Variants in ARHGAP24 observed in about 807,000 individuals in gnomAD.
ARHGAP24 encodes Rho GTPase activating protein 24, also known as rho GTPase-activating protein 24.
Under a neutral mutation model 76.4 loss-of-function variants are expected in ARHGAP24, and 50 were observed. The observed-to-expected ratio is 0.65, with a 90% CI of 0.52 to 0.83. The LOEUF (loss-of-function observed/expected upper bound fraction) is 0.83, where lower values mean the gene tolerates loss of function less well. ARHGAP24 is among the 40% of genes least tolerant of loss of function. The pLI is 0.00. For missense variants in ARHGAP24, 930 were observed against 914.2 expected (o/e 1.02, Z -0.22); for synonymous variants, 345 against 323.3 (o/e 1.07, Z -0.72).
rs190186201 is a variant in ARHGAP24, at chr4:85,845,077, G to A, written c.269-78571G>A. ...GATGTGTCACTTCAACTTTAACCTTGAAGCAATAGTACACATTACCATAGA... is the reference window on the plus strand; with the variant it reads ...GATGTGTCACTTCAACTTTAACCTTAAAGCAATAGTACACATTACCATAGA... On this transcript the variant is annotated intron_variant, in intron 3 of 9. Transcript: ENST00000395184. Among the ~76,000 whole-genome samples, 13 of 152,216 alleles carry A rather than the reference G, an allele frequency of 8.5e-5. No individual in the cohort carries two copies. In the East Asian group the frequency reaches 2.5e-3, roughly 29 times the overall value.
intron 3 of ARHGAP24, chr4:85,722,400 A>AC (rs1724986183): frequency 2.0e-5 from 4 of 203,396 alleles, no homozygotes; most frequent in Middle Eastern, 4.7e-4. Flanking sequence ...AAAAAAACAA[A>AC]AAACAAACAA....
intron 2 of ARHGAP24, among the ~76,000 whole-genome samples, chr4:85,645,277 A>G (rs1447724627): frequency 1.3e-5 from 2 of 152,168 alleles, no homozygotes; most frequent in African/African-American, 2.4e-5. Context: ...TAATTCAAAC[A>G]CTATTTCATA....
At chr4:85,957,156 C>G (rs1314194403) in intron 5 of ARHGAP24, among the ~76,000 whole-genome samples, 1 of 95,610 alleles carries the variant, frequency 1.0e-5, no homozygotes, top group East Asian at 3.7e-4. Context: ...GATTCTTAGT[C>G]AGCCTAGGAA....
At position 85,811,702 on chromosome 4, in the gene ARHGAP24, G is replaced by A. The variant is rs183406341; in HGVS notation, c.268+89730G>A. On this transcript the variant is annotated intron_variant, in intron 3 of 9. Coordinates refer to ENST00000395184, the MANE Select transcript of ARHGAP24 (RefSeq NM_001025616.3). The stretch of plus-strand genomic sequence containing the variant: ...ATTGGAGAAAGTCTTCACATATTTT[G>A]TTATTATGTGGATAAGTTCACAATC... 2.8e-4 allele frequency among the ~76,000 whole-genome samples: 42 copies of A among 152,288 alleles called. No individual in the cohort carries two copies. The South Asian group carries it at 5.2e-3, about 19-fold the overall frequency.
At chr4:85,723,716 T>G (rs1358438552) in intron 3 of ARHGAP24, 1 of 152,214 alleles carries the variant, frequency 6.6e-6, no homozygotes, top group Non-Finnish European at 1.5e-5. Flanking sequence ...TGAAGAGAAG[T>G]GTTCCAAATG....
intron 4 of ARHGAP24, among the ~76,000 whole-genome samples, chr4:85,929,527 TGA>T: frequency 6.6e-6 from 1 of 152,138 alleles, no homozygotes; most frequent in Admixed American, 6.5e-5. Context: ...TGAGTAGGAC[TGA>T]GAGACTTAGT....
chr4:85,866,979 A>C (rs1732235399), intron 3 of ARHGAP24, among the ~76,000 whole-genome samples: 1 of 152,092 alleles, frequency 6.6e-6, no homozygotes. Context: ...ATCACAGATT[A>C]ATTTGCTAGG....
intron 2 of ARHGAP24, among the ~76,000 whole-genome samples, chr4:85,677,883 A>G (rs561956787): frequency 3.3e-5 from 5 of 152,192 alleles, no homozygotes; most frequent in South Asian, 2.1e-4. Context: ...CCCTATCTCT[A>G]TAGAGAATTA....
Position 85,867,910 on chromosome 4 carries a change from C to CATACATAT in ARHGAP24, c.269-55735_269-55734insCATATATA, listed in dbSNP as rs371412055. 3.6e-3 allele frequency among the ~76,000 whole-genome samples: 519 copies of CATACATAT among 144,264 alleles called. 1 individual carries two copies. Among genetic ancestry groups the CATACATAT allele is most frequent in the African/African-American group, 0.013 (500 of 39,330 alleles). The allele number at this position is 144,264 out of a possible 152,430, so 94.6% of individuals were successfully genotyped here. A position where few individuals can be genotyped will look rare whatever the true frequency, so the allele number is the denominator to read the frequency against. ...ATGTGTGTGTGTACATATATATATA[C>CATACATAT]ATATATGTACACACACACAAACCAA... is the stretch of plus-strand genomic sequence containing the variant. On this transcript the variant is annotated intron_variant, in intron 3 of 9. Coordinates refer to ENST00000395184, the MANE Select transcript of ARHGAP24 (RefSeq NM_001025616.3).
In ARHGAP24 at chr4:85,655,766, C is replaced by CATATATATAT. The variant is rs370571889; in HGVS notation, c.181-66101_181-66092dup. Among the ~76,000 whole-genome samples, 45 of 69,028 alleles carry CATATATATAT rather than the reference C, an allele frequency of 6.5e-4. 1 individual carries two copies. The highest frequency in any genetic ancestry group is 4.3e-3 in the African/African-American group (43 of 9,962). The allele number at this position is 69,028 out of a possible 152,430, so 45.3% of individuals were successfully genotyped here. On this transcript the variant is annotated intron_variant, in intron 2 of 9. Transcript: ENST00000395184. ...CAGCCTGGGTGACAGAGTGAGACTC[C>CATATATATAT]ATATATATATATATATATATATATA...
At chr4:85,714,590 T>C (rs1195407003) in intron 2 of ARHGAP24, among the ~76,000 whole-genome samples, 1 of 152,184 alleles carries the variant, frequency 6.6e-6, no homozygotes, top group East Asian at 1.9e-4. Context: ...CTTGCTTTTG[T>C]GTTTTTATTA....
At chr4:85,898,033 G>GTGTA (rs1249396608) in intron 3 of ARHGAP24, among the ~76,000 whole-genome samples, 3 of 134,676 alleles carry the variant, frequency 2.2e-5, no homozygotes, top group East Asian at 4.5e-4. Flanking sequence ...ACATATATGT[G>GTGTA]TATATATATA....
At chr4:85,518,876 A>T (rs35904519) in intron 1 of ARHGAP24, among the ~76,000 whole-genome samples, 1 of 152,056 alleles carries the variant, frequency 6.6e-6, no homozygotes, top group African/African-American at 2.4e-5. Flanking sequence ...CTCTGGGTAG[A>T]TACCTAGTGG....
At chr4:85,582,566 G>A (rs1727661972) in intron 2 of ARHGAP24, among the ~76,000 whole-genome samples, 1 of 152,062 alleles carries the variant, frequency 6.6e-6, no homozygotes, top group African/African-American at 2.4e-5. Flanking sequence ...TTTACTGCTT[G>A]AAATTGTATG....
At chr4:85,641,087 T>G (rs1721503360) in intron 2 of ARHGAP24, among the ~76,000 whole-genome samples, 1 of 152,068 alleles carries the variant, frequency 6.6e-6, no homozygotes. Flanking sequence ...AATAACTTGC[T>G]CTGGAGGAAT....
intron 2 of ARHGAP24, among the ~76,000 whole-genome samples, chr4:85,667,351 A>G (rs1440477100): frequency 1.3e-5 from 2 of 152,302 alleles, no homozygotes; most frequent in African/African-American, 4.8e-5. Context: ...GCCCGTCGGA[A>G]AAGCGCAGTA....
chr4:85,723,700 G>A (rs745889147), intron 3 of ARHGAP24: 21 of 152,106 alleles, frequency 1.4e-4, no homozygotes, highest in African/African-American at 4.1e-4. Context: ...ATCATCTTAC[G>A]GAGTGTGAAG....
intron 3 of ARHGAP24, among the ~76,000 whole-genome samples, chr4:85,792,634 T>C (rs1294813287): frequency 2.0e-5 from 3 of 152,182 alleles, no homozygotes; most frequent in Non-Finnish European, 4.4e-5. Context: ...AACATTTTTC[T>C]TACTTCAGGC....
intron 2 of ARHGAP24, among the ~76,000 whole-genome samples, chr4:85,646,424 C>T (rs984287907): frequency 1.3e-5 from 2 of 151,976 alleles, no homozygotes; most frequent in Non-Finnish European, 2.9e-5. Flanking sequence ...AAATGACTTT[C>T]TCAACCCCGT....
Sources: allele counts gnomAD v4.1 joint callset (sites outside exome capture counted in the v4.1 genomes callset), GRCh38; gene constraint gnomAD v4.1.1; transcripts MANE v1.5; gene names NCBI Gene and HGNC (gene_info 2026-07-23, HGNC 2026-07-21).